PIK3C2B: variants seen among roughly 807,000 people sequenced by gnomAD.
PIK3C2B encodes the protein phosphatidylinositol 4-phosphate 3-kinase C2 domain-containing subunit beta.
Under a neutral mutation model 184.3 loss-of-function variants are expected in PIK3C2B, and 83 were observed. That is an observed-to-expected ratio of 0.45 (90% CI 0.38 to 0.54). The LOEUF is 0.54. PIK3C2B is among the 20% of genes least tolerant of loss of function. The pLI is 0.00. For synonymous variants in PIK3C2B, 779 were observed against 837.6 expected, an observed-to-expected ratio of 0.93 and a Z score of 1.21; for missense variants, 1,736 against 2,113.5, an observed-to-expected ratio of 0.82 and a Z score of 3.50.
chr1:204,490,281 T>C (rs970407049), intron 1 of PIK3C2B: 8 of 215,144 alleles, frequency 3.7e-5, no homozygotes, highest in Non-Finnish European at 5.5e-5. Context: ...AGTGAACCTC[T>C]CTCTTCTTCC....
chr1:204,439,162 T>C (rs1675511317), intron 22 of PIK3C2B, 91 bp from the exon 23 acceptor site: 3 of 1,312,356 alleles, frequency 2.3e-6, no homozygotes, highest in Admixed American at 2.1e-5. Context: ...TGCTTCCCTA[T>C]AAATTAAGCT....
chr1:204,478,742 T>C (rs894082450), intron 1 of PIK3C2B, among the ~76,000 whole-genome samples: 4 of 152,226 alleles, frequency 2.6e-5, no homozygotes, highest in Non-Finnish European at 5.9e-5. Context: ...TCCATTATTC[T>C]ACTCTCTGGG....
At chr1:204,465,869 G>A (rs1229220563) in intron 2 of PIK3C2B, among the ~76,000 whole-genome samples, 2 of 152,228 alleles carry the variant, frequency 1.3e-5, no homozygotes, top group Admixed American at 6.5e-5. Flanking sequence ...TGCCTTCTGG[G>A]TAAATGCTAT....
intron 5 of PIK3C2B, among the ~76,000 whole-genome samples, chr1:204,460,922 G>A (rs569929084): frequency 6.6e-6 from 1 of 152,262 alleles, no homozygotes; most frequent in East Asian, 1.9e-4. Flanking sequence ...TTTATTACCC[G>A]TGTGGTAATC....
chr1:204,493,376 A>T (rs1467094200), intron 1 of PIK3C2B, among the ~76,000 whole-genome samples: 1 of 152,166 alleles, frequency 6.6e-6, no homozygotes, highest in Non-Finnish European at 1.5e-5. Context: ...AGAGTTGAGA[A>T]AAAACAGCCC....
intron 1 of PIK3C2B, among the ~76,000 whole-genome samples, chr1:204,490,637 G>A (rs1657944180): frequency 6.6e-6 from 1 of 151,944 alleles, no homozygotes. Flanking sequence ...CAAAATGCAA[G>A]AACAAGCTGG....
At chr1:204,476,112 G>A (rs1055990919) in intron 1 of PIK3C2B, among the ~76,000 whole-genome samples, 4 of 152,216 alleles carry the variant, frequency 2.6e-5, no homozygotes, top group African/African-American at 7.2e-5. Flanking sequence ...ACCAGTCCCA[G>A]CGACCTTGAA....
intron 5 of PIK3C2B, 65 bp downstream of exon 5, chr1:204,463,947 C>T: frequency 6.4e-7 from 1 of 1,552,156 alleles, no homozygotes; most frequent in Non-Finnish European, 8.8e-7. Flanking sequence ...AGCACCAATC[C>T]CATGAAGCCC....
At chr1:204,425,557 G>A in intron 32 of PIK3C2B, 56 bp downstream of exon 32, 2 of 1,583,188 alleles carry the variant, frequency 1.3e-6, no homozygotes, top group Non-Finnish European at 1.7e-6. Context: ...ACTTTATCTA[G>A]GAGAACAGGC....
At chr1:204,472,399 G>A (rs938667871) in intron 1 of PIK3C2B, among the ~76,000 whole-genome samples, 7 of 151,820 alleles carry the variant, frequency 4.6e-5, no homozygotes, top group African/African-American at 1.4e-4. Flanking sequence ...TCCTGACCTC[G>A]TGATCCACCC....
chr1:204,455,147 G>A (rs1004355355), intron 11 of PIK3C2B, among the ~76,000 whole-genome samples: 2 of 152,266 alleles, frequency 1.3e-5, no homozygotes, highest in Non-Finnish European at 2.9e-5. Flanking sequence ...TGAGAAGGGT[G>A]GGGGAGGAAG....
intron 1 of PIK3C2B, among the ~76,000 whole-genome samples, chr1:204,488,014 T>C (rs535773972): frequency 8.5e-5 from 13 of 152,346 alleles, no homozygotes; most frequent in African/African-American, 3.1e-4. Flanking sequence ...CTGCTCTAAG[T>C]AGTTCATTAA....
chr1:204,475,232 T>G (rs1195321871), intron 1 of PIK3C2B, among the ~76,000 whole-genome samples: 1 of 152,190 alleles, frequency 6.6e-6, no homozygotes, highest in Non-Finnish European at 1.5e-5. Context: ...TCTCCTGCCC[T>G]GCTCTCCCTC....
Position 204,447,389 on chromosome 1 carries a change from G to A in PIK3C2B, c.2489+47C>T. 1 of 1,581,862 alleles carries A rather than the reference G, an allele frequency of 6.3e-7. No individual in the cohort carries two copies. The highest frequency in any genetic ancestry group is 8.7e-7 in the Non-Finnish European group (1 of 1,154,224). On this transcript the variant is annotated intron_variant, in intron 15 of 32. Coordinates refer to ENST00000684373, the MANE Select transcript of PIK3C2B (RefSeq NM_001377334.1). The surrounding 1 kb of genome is among the most constrained non-coding windows in gnomAD (Gnocchi z 4.1). ...GCAGGAGGACGGAGACTCAGTGCTG[G>A]GAGGTCAGATGAAACATGACAGATT...
intron 5 of PIK3C2B, among the ~76,000 whole-genome samples, chr1:204,463,040 G>A (rs942947045): frequency 2.0e-5 from 3 of 152,244 alleles, no homozygotes; most frequent in South Asian, 4.1e-4. Flanking sequence ...CAGCCTGCAC[G>A]ACAGAGTGAG....
At chr1:204,432,111 C>T in intron 27 of PIK3C2B, 89 bp downstream of exon 27, 1 of 1,169,844 alleles carries the variant, frequency 8.5e-7, no homozygotes, top group Non-Finnish European at 1.3e-6. Context: ...CTCCTGTGCC[C>T]ACTGTGCAAG....
intron 31 of PIK3C2B, among the ~76,000 whole-genome samples, chr1:204,426,484 C>T (rs934565382): frequency 6.6e-6 from 1 of 152,234 alleles, no homozygotes; most frequent in Non-Finnish European, 1.5e-5. Context: ...TGCTAAGACA[C>T]CTCCTCAACA....
intron 27 of PIK3C2B, 21 bp from the exon 28 acceptor site, chr1:204,431,814 G>C (rs776238948): frequency 6.2e-7 from 1 of 1,614,164 alleles, no homozygotes; most frequent in South Asian, 1.1e-5. Flanking sequence ...CCAGATCTTA[G>C]GGTGTACCTG....
intron 2 of PIK3C2B, chr1:204,467,243 G>C (rs2103513174): frequency 3.8e-6 from 1 of 261,378 alleles, no homozygotes; most frequent in East Asian, 1.1e-4. Flanking sequence ...CTGGGTGTGA[G>C]GAACTCAGAG....
Sources: allele counts gnomAD v4.1 joint callset (sites outside exome capture counted in the v4.1 genomes callset), GRCh38; gene constraint gnomAD v4.1.1; non-coding constraint Gnocchi (gnomAD v3.1); transcripts MANE v1.5; gene names NCBI Gene and HGNC (gene_info 2026-07-23, HGNC 2026-07-21).